Variants in ERBB4 observed in about 807,000 individuals in gnomAD.
ERBB4 encodes the protein receptor tyrosine-protein kinase erbB-4.
In ERBB4, 42 loss-of-function variants were observed where a neutral mutation model predicts 158.0. That is an observed-to-expected ratio of 0.27 (90% CI 0.21 to 0.34). The LOEUF (loss-of-function observed/expected upper bound fraction) is 0.34. ERBB4 is among the 10% of genes least tolerant of loss of function. The probability of loss-of-function intolerance (pLI) is 1.00; values close to 1 mark genes in which losing one functional copy is unlikely to be tolerated. For missense variants in ERBB4, 1,333 were observed against 1,624.1 expected (o/e 0.82, Z 3.08); for synonymous variants, 583 against 558.7 (o/e 1.04, Z -0.61).
At position 212,259,334 on chromosome 2, in the gene ERBB4, C is replaced by T. The variant is rs373375788; in HGVS notation, c.83-134431G>A. Among the ~76,000 whole-genome samples the T allele has an allele frequency of 2.0e-4, 31 of 152,166 alleles. No individual in the cohort carries two copies. The South Asian group carries it at 6.2e-3, about 31-fold the overall frequency. Reference sequence around the variant, plus strand: ...AACTACTTGAAAAGCCAATGAGTCCCCTCCCAACATACACACTTAAGTTAA... The same window carrying T: ...AACTACTTGAAAAGCCAATGAGTCCTCTCCCAACATACACACTTAAGTTAA... On this transcript the variant is annotated intron_variant, in intron 1 of 27. Coordinates refer to ENST00000342788, the MANE Select transcript of ERBB4 (RefSeq NM_005235.3).
intron 3 of ERBB4, among the ~76,000 whole-genome samples, chr2:211,897,680 A>C (rs1446554176): frequency 1.3e-5 from 2 of 151,860 alleles, no homozygotes; most frequent in Non-Finnish European, 2.9e-5. Context: ...CCTTTTATCT[A>C]CTTTTTTTGT....
chr2:211,807,327 C>T (rs1249775005), intron 3 of ERBB4, among the ~76,000 whole-genome samples: 2 of 152,062 alleles, frequency 1.3e-5, no homozygotes, highest in South Asian at 2.1e-4. Context: ...CTGGGTGTGA[C>T]GTTTCCTGCG....
At chr2:212,053,765 G>A (rs1193418572) in intron 2 of ERBB4, among the ~76,000 whole-genome samples, 1 of 152,054 alleles carries the variant, frequency 6.6e-6, no homozygotes, top group Admixed American at 6.6e-5. Context: ...CCTTTACCTG[G>A]AAGACTCTGG....
chr2:212,299,272 C>A (rs1043680378), intron 1 of ERBB4, among the ~76,000 whole-genome samples: 7 of 151,642 alleles, frequency 4.6e-5, no homozygotes, highest in African/African-American at 1.7e-4. Flanking sequence ...TTACTTTTGC[C>A]ATACATTTTG....
chr2:211,912,368 T>G (rs1300846467), intron 3 of ERBB4, among the ~76,000 whole-genome samples: 2 of 151,948 alleles, frequency 1.3e-5, no homozygotes, highest in Non-Finnish European at 2.9e-5. Flanking sequence ...CTTCCAAGAG[T>G]AAATTTCAAA....
At chr2:212,080,787 T>C (rs1421543268) in intron 2 of ERBB4, among the ~76,000 whole-genome samples, 1 of 152,142 alleles carries the variant, frequency 6.6e-6, no homozygotes, top group Non-Finnish European at 1.5e-5. Flanking sequence ...AAACTATTCA[T>C]AGCCTTTCCA....
chr2:211,745,165 GAGAA>G (rs1392032876), intron 5 of ERBB4, among the ~76,000 whole-genome samples: 1 of 152,130 alleles, frequency 6.6e-6, no homozygotes, highest in Non-Finnish European at 1.5e-5. Context: ...TGGAAATCTA[GAGAA>G]AGCCTAAAAT....
chr2:211,558,266 G>A (rs935955387), intron 20 of ERBB4, among the ~76,000 whole-genome samples: 2 of 152,204 alleles, frequency 1.3e-5, no homozygotes, highest in Non-Finnish European at 2.9e-5. Context: ...ATCATTTCCA[G>A]CTTCTAGAGG....
chr2:212,022,096 T>C (rs1276782931), intron 2 of ERBB4, among the ~76,000 whole-genome samples: 4 of 152,162 alleles, frequency 2.6e-5, no homozygotes, highest in African/African-American at 9.7e-5. Flanking sequence ...TGTTCAACCA[T>C]TGTGGAAGAC....
In ERBB4 at chr2:211,637,291, C is replaced by T. The variant is rs905291556; in HGVS notation, c.1947-6697G>A. ...ATTGACTCTCTATTAAAATCAAATTCTTATAATTCATTCACAATTACCAAC... is the reference window on the plus strand; with the variant it reads ...ATTGACTCTCTATTAAAATCAAATTTTTATAATTCATTCACAATTACCAAC... On this transcript the variant is annotated intron_variant, in intron 16 of 27. Coordinates refer to ENST00000342788, the MANE Select transcript of ERBB4 (RefSeq NM_005235.3). 2.0e-5 allele frequency among the ~76,000 whole-genome samples: 3 copies of T among 151,926 alleles called. No homozygotes were observed. The East Asian group carries it at 5.8e-4, about 29-fold the overall frequency.
chr2:211,903,789 G>GA (rs1210226731), intron 3 of ERBB4, among the ~76,000 whole-genome samples: 150 of 141,116 alleles, frequency 1.1e-3, no homozygotes, highest in East Asian at 7.2e-3. Context: ...AATTAAAAAA[G>GA]AAAAAAAAAA....
chr2:212,132,407 C>T (rs1029805504), intron 1 of ERBB4, among the ~76,000 whole-genome samples: 1 of 151,998 alleles, frequency 6.6e-6, no homozygotes. Context: ...TCCATAAGGG[C>T]GTTTTCACAA....
At position 211,781,245 on chromosome 2, in the gene ERBB4, G is replaced by T. The variant is rs190353718; in HGVS notation, c.556+6780C>A. On this transcript the variant is annotated intron_variant, in intron 4 of 27. Transcript: ENST00000342788. ...ACAAAGTGCAATATTAATTAGGAGT[G>T]GGTCATTACTATGATATGTAAAAGT... Among the ~76,000 whole-genome samples the T allele has an allele frequency of 6.7e-4, 102 of 152,084 alleles. 1 individual carries two copies. The highest frequency in any genetic ancestry group is 2.3e-3 in the African/African-American group (95 of 41,466).
At position 212,237,262 on chromosome 2, in the gene ERBB4, T is replaced by G. The variant is rs942860379; in HGVS notation, c.83-112359A>C. Among the ~76,000 whole-genome samples the G allele has an allele frequency of 3.3e-5, 5 of 152,210 alleles. No individual in the cohort carries two copies. In the East Asian group the frequency reaches 9.6e-4, roughly 29 times the overall value. ...TGGTGACCTTTGGATGGGGTTTTTG[T>G]GCGGACATCCTTTTTGTTGATGTTG... On this transcript the variant is annotated intron_variant, in intron 1 of 27. Transcript: ENST00000342788.
chr2:212,145,727 T>TA (rs5838300), intron 1 of ERBB4, among the ~76,000 whole-genome samples: 1,190 of 88,798 alleles, frequency 0.013, 18 homozygotes, highest in East Asian at 0.033. Flanking sequence ...CAGCATGCAG[T>TA]AAAAAAAAAA....
At chr2:211,766,781 C>G (rs1192694090) in intron 4 of ERBB4, among the ~76,000 whole-genome samples, 1 of 152,108 alleles carries the variant, frequency 6.6e-6, no homozygotes, top group Non-Finnish European at 1.5e-5. Flanking sequence ...TCTCCACTCT[C>G]GAGTAACAAA....
chr2:211,682,530 GGTTGATATAT>G (rs1279397595), intron 12 of ERBB4, among the ~76,000 whole-genome samples: 2 of 152,088 alleles, frequency 1.3e-5, no homozygotes, highest in Non-Finnish European at 2.9e-5. Flanking sequence ...TCCCCAGTTA[GGTTGATATAT>G]AAAATGAACA....
chr2:211,733,922 A>C lies in ERBB4; in HGVS notation c.623-8728T>G, dbSNP rs1030132221. ...ATGAAGAAACCCTGTCTCTACTAAA[A>C]ATACAAAAATTAGCCAGGCAGAGGA... On this transcript the variant is annotated intron_variant, in intron 5 of 27. Coordinates refer to ENST00000342788, the MANE Select transcript of ERBB4 (RefSeq NM_005235.3). 2.4e-4 allele frequency among the ~76,000 whole-genome samples: 36 copies of C among 151,970 alleles called. 2 individuals are homozygous for C. The highest frequency in any genetic ancestry group is 8.2e-4 in the African/African-American group (34 of 41,314).
At chr2:211,889,913 C>A (rs1333406108) in intron 3 of ERBB4, among the ~76,000 whole-genome samples, 1 of 138,154 alleles carries the variant, frequency 7.2e-6, no homozygotes, top group South Asian at 2.4e-4. Flanking sequence ...TGTGAAAAGA[C>A]CAAATCTACG....
Sources: allele counts gnomAD v4.1 joint callset (sites outside exome capture counted in the v4.1 genomes callset), GRCh38; gene constraint gnomAD v4.1.1; transcripts MANE v1.5; gene names NCBI Gene and HGNC (gene_info 2026-07-23, HGNC 2026-07-21).